The following RGS21 variants were observed in gnomAD, a reference collection of about 807,000 sequenced individuals.
RGS21 encodes regulator of G protein signaling 21.
A neutral mutation model predicts 18.7 loss-of-function variants in RGS21; 19 were observed. The ratio of observed to expected loss-of-function variants is 1.01; its 90% CI spans 0.71 to 1.49. RGS21 has a LOEUF of 1.49. Ranked by LOEUF, RGS21 falls within the 40% of genes most tolerant of loss-of-function variation. The pLI is 0.00. For synonymous variants in RGS21, 56 were observed against 57.8 expected, an observed-to-expected ratio of 0.97 and a Z score of 0.14; for missense variants, 194 against 176.8, an observed-to-expected ratio of 1.10 and a Z score of -0.55.
Position 192,343,065 on chromosome 1 carries a change from G to A in RGS21, c.11+18G>A. 1.2e-6 allele frequency: 2 copies of A among 1,611,274 alleles called. No homozygotes were observed. The highest frequency in any genetic ancestry group is 1.7e-6 in the Non-Finnish European group (2 of 1,177,716). On this transcript the variant is annotated intron_variant, in intron 2 of 4. Transcript: ENST00000417209. ...CCAGTGAAGTGAGTTGCCGTTTCCAGCTATTTTTATCTCAGAAGATGTACA... is the reference window on the plus strand; with the variant it reads ...CCAGTGAAGTGAGTTGCCGTTTCCAACTATTTTTATCTCAGAAGATGTACA...
At chr1:192,318,310 A>G (rs1232194235) in intron 1 of RGS21, among the ~76,000 whole-genome samples, 1 of 152,116 alleles carries the variant, frequency 6.6e-6, no homozygotes, top group African/African-American at 2.4e-5. Context: ...ACTATTAATT[A>G]CTTCTGCTAA....
At chr1:192,340,111 T>G (rs1474613435) in intron 1 of RGS21, among the ~76,000 whole-genome samples, 1 of 152,088 alleles carries the variant, frequency 6.6e-6, no homozygotes, top group East Asian at 1.9e-4. Context: ...AAGTTTTATA[T>G]TCCTCCAGCA....
intron 1 of RGS21, among the ~76,000 whole-genome samples, chr1:192,333,628 CAAAA>C (rs376989840): frequency 0.01 from 1,074 of 102,382 alleles, 19 homozygotes; most frequent in African/African-American, 0.035. Context: ...CTCAAAATGA[CAAAA>C]AAAAAAAAAA....
At chr1:192,343,880 T>C (rs1658908973) in intron 2 of RGS21, among the ~76,000 whole-genome samples, 1 of 152,026 alleles carries the variant, frequency 6.6e-6, no homozygotes, top group Non-Finnish European at 1.5e-5. Flanking sequence ...GGAGTGGCCA[T>C]TGTCCATTTT....
chr1:192,337,965 C>T (rs1185611134), intron 1 of RGS21, among the ~76,000 whole-genome samples: 1 of 152,102 alleles, frequency 6.6e-6, no homozygotes, highest in Non-Finnish European at 1.5e-5. Context: ...GCAGATATTT[C>T]TTTGACTATC....
Position 192,333,589 on chromosome 1 carries a change from G to A in RGS21, c.-60-9388G>A, listed in dbSNP as rs533653185. 3.1e-5 allele frequency among the ~76,000 whole-genome samples: 4 copies of A among 127,368 alleles called. No individual in the cohort carries two copies. In the South Asian group the frequency reaches 1.1e-3, roughly 34 times the overall value. The allele number at this position is 127,368 out of a possible 152,430, so 83.6% of individuals were successfully genotyped here. ...GAAAGAGCCCATCTCAAAAGGTCAT[G>A]TAAGGTATGATCGTATTTTTATAAT... On this transcript the variant is annotated intron_variant, in intron 1 of 4. Transcript: ENST00000417209.
At chr1:192,364,965 TCTA>T (rs1659234240) in intron 4 of RGS21, among the ~76,000 whole-genome samples, 1 of 151,808 alleles carries the variant, frequency 6.6e-6, no homozygotes, top group Non-Finnish European at 1.5e-5. Context: ...AAACCCCGTC[TCTA>T]CTACTAATAA....
At chr1:192,362,831 C>A (rs1475389930) in intron 4 of RGS21, among the ~76,000 whole-genome samples, 1 of 152,002 alleles carries the variant, frequency 6.6e-6, no homozygotes, top group Admixed American at 6.6e-5. Context: ...TGATTTTGAA[C>A]AAGTATAGAA....
chr1:192,341,336 A>G (rs1658858681), intron 1 of RGS21, among the ~76,000 whole-genome samples: 1 of 152,046 alleles, frequency 6.6e-6, no homozygotes, highest in South Asian at 2.1e-4. Flanking sequence ...CTTTTCAGGG[A>G]GGGTTGTATA....
intron 1 of RGS21, among the ~76,000 whole-genome samples, chr1:192,325,269 C>T (rs1048599291): frequency 2.0e-5 from 3 of 152,036 alleles, no homozygotes; most frequent in Non-Finnish European, 4.4e-5. Context: ...TAATGACCTC[C>T]AGCTGCATCC....
chr1:192,343,785 T>G (rs1658908160), intron 2 of RGS21, among the ~76,000 whole-genome samples: 1 of 152,012 alleles, frequency 6.6e-6, no homozygotes, highest in Non-Finnish European at 1.5e-5. Context: ...TGCATCACAA[T>G]TTTACAGGAA....
chr1:192,333,226 T>C (rs1571452019), intron 1 of RGS21, among the ~76,000 whole-genome samples: 3 of 151,206 alleles, frequency 2.0e-5, no homozygotes, highest in Non-Finnish European at 4.4e-5. Context: ...GCAGGTAGCA[T>C]ATAAAGTGAT....
chr1:192,321,716 A>T (rs1658500247), intron 1 of RGS21, among the ~76,000 whole-genome samples: 3 of 152,038 alleles, frequency 2.0e-5, no homozygotes, highest in African/African-American at 7.2e-5. Flanking sequence ...AGTATAAATC[A>T]AATTATTTTC....
chr1:192,365,282 C>G (rs1659238729), intron 4 of RGS21, among the ~76,000 whole-genome samples: 1 of 152,092 alleles, frequency 6.6e-6, no homozygotes, highest in African/African-American at 2.4e-5. Flanking sequence ...GAGCATTTTA[C>G]ATATTTGCAG....
chr1:192,352,053 T>A lies in RGS21; in HGVS notation c.95T>A (p.Leu32Gln), dbSNP rs1659049809. 6.3e-7 allele frequency: 1 copy of A among 1,591,736 alleles called. No homozygotes were observed. The highest frequency in any genetic ancestry group is 1.4e-5 in the African/African-American group (1 of 73,734). ...TTTCTCATATATTTTATAGCTGGTC[T>A]AGATGCTTTTCGAATATTTCTAAAA... ...MDTLLANQAG[L>Q]DAFRIFLKSE... The change falls in exon 4 of 5, where the codon CTA becomes CAA. Residue 32 changes from leucine (L) to glutamine (Q), a missense_variant. By Grantham distance (113) the Leu-to-Gln change is moderately radical. Transcript: ENST00000417209.
In RGS21 at chr1:192,322,284, G is replaced by A. The variant is rs74662989; in HGVS notation, c.-61+5179G>A. On this transcript the variant is annotated intron_variant, in intron 1 of 4. Transcript: ENST00000417209. The stretch of plus-strand genomic sequence containing the variant: ...AGAAAAAAAAATCCTATCATGGAAA[G>A]GATCAATCTAATCAATCAAATTAAT... Among the ~76,000 whole-genome samples, 1,171 of 152,024 alleles carry A rather than the reference G, an allele frequency of 7.7e-3. 6 individuals carry two copies. The highest frequency in any genetic ancestry group is 0.015 in the Admixed American group (233 of 15,230).
chr1:192,351,741 T>C (rs1417238481), intron 3 of RGS21, among the ~76,000 whole-genome samples: 2 of 147,870 alleles, frequency 1.4e-5, no homozygotes, highest in East Asian at 1.9e-4. Flanking sequence ...ATATGCTATA[T>C]AGCATATATA....
chr1:192,323,985 C>T (rs138993716), intron 1 of RGS21, among the ~76,000 whole-genome samples: 1 of 152,108 alleles, frequency 6.6e-6, no homozygotes, highest in African/African-American at 2.4e-5. Flanking sequence ...AATTTTGCCT[C>T]ATGTAAATGT....
intron 1 of RGS21, among the ~76,000 whole-genome samples, chr1:192,321,187 T>C (rs1030959985): frequency 2.0e-5 from 3 of 151,950 alleles, no homozygotes; most frequent in African/African-American, 7.2e-5. Flanking sequence ...TCTGTTAGAT[T>C]TAGATTTCTA....
Sources: allele counts gnomAD v4.1 joint callset (sites outside exome capture counted in the v4.1 genomes callset), GRCh38; gene constraint gnomAD v4.1.1; transcripts MANE v1.5; gene names NCBI Gene and HGNC (gene_info 2026-07-23, HGNC 2026-07-21).